The following DAGLA variants were observed in gnomAD, a reference collection of about 807,000 sequenced individuals.
DAGLA encodes diacylglycerol lipase alpha.
In DAGLA, 22 loss-of-function variants were observed where a neutral mutation model predicts 102.6. The ratio of observed to expected loss-of-function variants is 0.21; its 90% CI spans 0.15 to 0.31. The LOEUF (loss-of-function observed/expected upper bound fraction) is 0.31, where lower values mean the gene tolerates loss of function less well. DAGLA is among the 10% of genes least tolerant of loss of function. The probability of loss-of-function intolerance (pLI) is 1.00; values close to 1 mark genes in which losing one functional copy is unlikely to be tolerated. For missense variants in DAGLA, 927 were observed against 1,446.6 expected (o/e 0.64, Z 5.83); for synonymous variants, 578 against 628.9 (o/e 0.92, Z 1.21).
chr11:61,715,862 A>T (rs919210844), intron 1 of DAGLA, among the ~76,000 whole-genome samples: 2 of 152,178 alleles, frequency 1.3e-5, no homozygotes, highest in African/African-American at 2.4e-5. Flanking sequence ...GTCTGTTCTG[A>T]CCACAGCCTT....
Position 61,743,712 on chromosome 11 carries a change from G to A in DAGLA, c.2352G>A (p.Ser784=), listed in dbSNP as rs201183027. 1.2e-5 allele frequency: 19 copies of A among 1,607,872 alleles called. No homozygotes were observed. The highest frequency in any genetic ancestry group is 8.0e-5 in the African/African-American group (6 of 75,004). The change falls in exon 20 of 20, where the codon TCG becomes TCA. Residue 784 remains serine (S), a synonymous_variant. Coordinates refer to ENST00000257215, the MANE Select transcript of DAGLA (RefSeq NM_006133.3). ...RAPLATMESL[S]DTESLYSFDS... is the part of the protein sequence containing the mutation. Reference sequence around the variant, plus strand: ...CACTGGCCACCATGGAGAGCCTCTCGGACACTGAGTCCCTGTACAGCTTCG... The same window carrying A: ...CACTGGCCACCATGGAGAGCCTCTCAGACACTGAGTCCCTGTACAGCTTCG...
At position 61,686,819 on chromosome 11, in the gene DAGLA, T is replaced by C. The variant is rs1234369975; in HGVS notation, c.-45+6315T>C. On this transcript the variant is annotated intron_variant, in intron 1 of 19. Coordinates refer to ENST00000257215, the MANE Select transcript of DAGLA (RefSeq NM_006133.3). This position sits in a 1 kb window ranked among gnomAD's most constrained non-coding sequence, Gnocchi z 5.2. ...TTCCTTGAGGTTAATCTATTATTGATGTCCCTTCGTTTATATAACATATGC... is the reference window on the plus strand; with the variant it reads ...TTCCTTGAGGTTAATCTATTATTGACGTCCCTTCGTTTATATAACATATGC... 6.6e-6 allele frequency among the ~76,000 whole-genome samples: 1 copy of C among 152,200 alleles called. No individual in the cohort carries two copies. The highest frequency in any genetic ancestry group is 1.5e-5 in the Non-Finnish European group (1 of 68,026).
chr11:61,688,213 G>T (rs1044545563), intron 1 of DAGLA, among the ~76,000 whole-genome samples: 6 of 151,838 alleles, frequency 4.0e-5, no homozygotes, highest in Non-Finnish European at 8.8e-5. Context: ...TACTTGGGAG[G>T]CTGAGGCAGG....
chr11:61,741,109 G>C (rs1031195861), intron 18 of DAGLA, 53 bp from the exon 19 acceptor site: 10 of 1,514,698 alleles, frequency 6.6e-6, no homozygotes, highest in Non-Finnish European at 8.9e-6. Context: ...TCGGCCCCAC[G>C]ATGGGGCCTG....
chr11:61,722,093 A>G (rs2065288683), intron 3 of DAGLA, among the ~76,000 whole-genome samples: 1 of 152,172 alleles, frequency 6.6e-6, no homozygotes, highest in South Asian at 2.1e-4. Context: ...TCTCTCCTCC[A>G]TCAGGTTCCA....
intron 17 of DAGLA, 108 bp from the exon 18 acceptor site, chr11:61,740,355 C>T (rs1450311171): frequency 4.1e-6 from 6 of 1,446,190 alleles, no homozygotes; most frequent in Non-Finnish European, 5.6e-6. Context: ...GGCCTCCAAA[C>T]CATGCCAGCT....
At chr11:61,727,444 G>T (rs892855445) in intron 6 of DAGLA, among the ~76,000 whole-genome samples, 1 of 152,222 alleles carries the variant, frequency 6.6e-6, no homozygotes. Flanking sequence ...CCACCTCAGC[G>T]TCTCCTAACA....
intron 1 of DAGLA, among the ~76,000 whole-genome samples, chr11:61,703,163 G>A (rs1014790637): frequency 2.6e-5 from 4 of 152,176 alleles, no homozygotes; most frequent in Non-Finnish European, 5.9e-5. Context: ...GGGACGTGGT[G>A]AGCTCCCCCA....
At position 61,734,523 on chromosome 11, in the gene DAGLA, C is replaced by G. The variant is rs1019698155; in HGVS notation, c.975-326C>G. 6.6e-6 allele frequency among the ~76,000 whole-genome samples: 1 copy of G among 152,076 alleles called. No individual in the cohort carries two copies. Among genetic ancestry groups the G allele is most frequent in the Non-Finnish European group, 1.5e-5 (1 of 68,012 alleles). The stretch of plus-strand genomic sequence containing the variant: ...TGAGTGCATGGAGGAGCCAGTGCCC[C>G]CAGAGGGACCCCAGGGCTTCAGTGT... On this transcript the variant is annotated intron_variant, in intron 9 of 19. Coordinates refer to ENST00000257215, the MANE Select transcript of DAGLA (RefSeq NM_006133.3). This position sits in a 1 kb window ranked among gnomAD's most constrained non-coding sequence, Gnocchi z 4.2.
rs550020445 is a variant in DAGLA at position 61,717,188 on chromosome 11, C to T, written c.-44-2924C>T. On this transcript the variant is annotated intron_variant, in intron 1 of 19. Transcript: ENST00000257215. Reference sequence around the variant, plus strand: ...GCCTCTGCCCTCCCCGCTCCTGAGACATTTCCTCCAGATGAAATCACATCC... The same window carrying T: ...GCCTCTGCCCTCCCCGCTCCTGAGATATTTCCTCCAGATGAAATCACATCC... Among the ~76,000 whole-genome samples the T allele has an allele frequency of 1.4e-4, 21 of 152,304 alleles. No homozygotes were observed. In the East Asian group the frequency reaches 2.9e-3, roughly 21 times the overall value.
chr11:61,737,143 G>A (rs746069350), intron 13 of DAGLA, 39 bp from the exon 14 acceptor site: 1 of 1,612,010 alleles, frequency 6.2e-7, no homozygotes, highest in South Asian at 1.1e-5. Flanking sequence ...CGCTTGGCGG[G>A]CATTGGGGCA....
chr11:61,728,160 A>G lies in DAGLA; in HGVS notation c.644A>G (p.Tyr215Cys). The change falls in exon 7 of 20, where the codon TAC becomes TGC. Residue 215 changes from tyrosine (Y) to cysteine (C), a missense_variant. Around this residue, in one of 4 missense-constraint regions of DAGLA, gnomAD observed 231 missense variants for 439.8 expected, o/e 0.53. Transcript: ENST00000257215. Reference protein sequence around the residue: ...TRTKDSQSDAYSEIAYLFAEF... With the variant: ...TRTKDSQSDACSEIAYLFAEF... The stretch of plus-strand genomic sequence containing the variant: ...CCTTCCTGGACCTCGTAGGATGCCT[A>G]CTCAGAAATCGCCTACCTCTTTGCG... The G allele has an allele frequency of 6.2e-7, 1 of 1,613,886 alleles. No homozygotes were observed. The highest frequency in any genetic ancestry group is 8.5e-7 in the Non-Finnish European group (1 of 1,179,886).
chr11:61,731,988 A>T (rs1484935396), intron 9 of DAGLA, among the ~76,000 whole-genome samples: 1 of 152,226 alleles, frequency 6.6e-6, no homozygotes, highest in Non-Finnish European at 1.5e-5. Context: ...CCTTCTTCAT[A>T]GGATCTAGGA....
At chr11:61,720,611 T>C (rs2135581298) in intron 2 of DAGLA, 68 bp from the exon 3 acceptor site, 1 of 1,476,830 alleles carries the variant, frequency 6.8e-7, no homozygotes, top group Non-Finnish European at 9.4e-7. Context: ...GGGAAGGGCC[T>C]GCCTGCTAGT....
intron 1 of DAGLA, among the ~76,000 whole-genome samples, chr11:61,703,557 A>C (rs2065125388): frequency 1.3e-5 from 2 of 152,140 alleles, no homozygotes; most frequent in Non-Finnish European, 2.9e-5. Flanking sequence ...GAGGCTGGTG[A>C]GGGCAGGCAG....
At chr11:61,719,087 T>C (rs1000095021) in intron 1 of DAGLA, among the ~76,000 whole-genome samples, 1 of 152,208 alleles carries the variant, frequency 6.6e-6, no homozygotes, top group Non-Finnish European at 1.5e-5. Context: ...AGTGCAGAGC[T>C]ACCCTGGAGC....
rs1453378946 is a variant in DAGLA, at chr11:61,737,243, C to G, written c.1433C>G (p.Ala478Gly). Residue 478 changes from alanine to glycine, a missense_variant, in exon 14 of 20, where the codon GCT becomes GGT. Physicochemically the swap from Ala to Gly is moderately conservative, Grantham distance 60. This residue lies in a region of DAGLA where 218 missense variants were observed against 459.6 expected (regional missense o/e 0.47). Transcript: ENST00000257215. ...VVGHSLGAGT[A>G]AILSFLLRPQ... ...GGCCACTCCCTGGGCGCGGGCACTGCTGCCATCCTCTCCTTCCTTCTGCGC... is the reference window on the plus strand; with the variant it reads ...GGCCACTCCCTGGGCGCGGGCACTGGTGCCATCCTCTCCTTCCTTCTGCGC... 2 of 1,613,416 alleles carry G rather than the reference C, an allele frequency of 1.2e-6. No individual in the cohort carries two copies. Among genetic ancestry groups the G allele is most frequent in the Middle Eastern group, 3.3e-4 (2 of 6,062 alleles).
chr11:61,705,004 C>T (rs1211231778), intron 1 of DAGLA, among the ~76,000 whole-genome samples: 1 of 152,080 alleles, frequency 6.6e-6, no homozygotes. Context: ...TGCCCGGGCT[C>T]GCCTGAGCTC....
rs1226959123 is a variant in DAGLA at position 61,734,824 on chromosome 11, G to A, written c.975-25G>A. On this transcript the variant is annotated intron_variant, in intron 9 of 19. Transcript: ENST00000257215. The surrounding 1 kb of genome is among the most constrained non-coding windows in gnomAD (Gnocchi z 4.2). ...GTTCCCTCGGGGACTCCCTGGCCCTGAACTCTCTTGTCACCCCACCCTAGG... is the reference window on the plus strand; with the variant it reads ...GTTCCCTCGGGGACTCCCTGGCCCTAAACTCTCTTGTCACCCCACCCTAGG... 6.2e-7 allele frequency: 1 copy of A among 1,602,868 alleles called. No individual in the cohort carries two copies. Among genetic ancestry groups the A allele is most frequent in the Admixed American group, 1.7e-5 (1 of 59,792 alleles).
Sources: gnomAD v4.1 joint callset for allele counts (sites outside exome capture counted in the v4.1 genomes callset) on GRCh38, gnomAD v4.1.1 for gene constraint, gnomAD v4.1.1 regional missense constraint, Gnocchi (gnomAD v3.1) non-coding constraint, MANE v1.5 for transcripts, NCBI Gene and HGNC (gene_info 2026-07-23, HGNC 2026-07-21) for gene names.